TASP1: variants seen among roughly 807,000 people sequenced by gnomAD.
TASP1 encodes threonine aspartase 1.
In TASP1, 16 loss-of-function variants were observed where a neutral mutation model predicts 56.6. That is an observed-to-expected ratio of 0.28 (90% CI 0.19 to 0.43). TASP1 has a LOEUF of 0.43. TASP1 is among the 20% of genes least tolerant of loss of function. The pLI, the probability that TASP1 is intolerant of heterozygous loss-of-function variation, is 1.00. For synonymous variants in TASP1, 179 were observed against 184.2 expected, an observed-to-expected ratio of 0.97 and a Z score of 0.23; for missense variants, 393 against 511.6, an observed-to-expected ratio of 0.77 and a Z score of 2.24.
intron 11 of TASP1, among the ~76,000 whole-genome samples, chr20:13,465,204 A>G (rs1234144033): frequency 1.3e-5 from 2 of 150,746 alleles, no homozygotes; most frequent in East Asian, 3.9e-4. Flanking sequence ...AAAAAAGGAA[A>G]GGAAAAAAAA....
intron 13 of TASP1, among the ~76,000 whole-genome samples, chr20:13,409,241 C>A (rs2042018319): frequency 6.6e-6 from 1 of 151,864 alleles, no homozygotes; most frequent in African/African-American, 2.4e-5. Context: ...TCTATAAATA[C>A]CACTTTGGTC....
chr20:13,590,887 A>C (rs963298805), intron 4 of TASP1, among the ~76,000 whole-genome samples: 1 of 152,066 alleles, frequency 6.6e-6, no homozygotes, highest in African/African-American at 2.4e-5. Context: ...AATAAATAAA[A>C]ATAAAAATTT....
the TASP1 span, among the ~76,000 whole-genome samples, chr20:13,341,312 C>T: frequency 6.6e-6 from 1 of 152,168 alleles, no homozygotes. Context: ...GAGTATGCCA[C>T]AAATGTGGTT....
At chr20:13,396,686 C>A (rs778754081) in intron 13 of TASP1, among the ~76,000 whole-genome samples, 8 of 152,056 alleles carry the variant, frequency 5.3e-5, no homozygotes, top group Non-Finnish European at 1.0e-4. Context: ...ATACAATTCC[C>A]GAGTTCAGCC....
chr20:13,528,135 A>C (rs1303305801), intron 10 of TASP1, among the ~76,000 whole-genome samples: 1 of 150,108 alleles, frequency 6.7e-6, no homozygotes, highest in Non-Finnish European at 1.5e-5. Flanking sequence ...AAGCATGAGA[A>C]TCACTTGAAC....
chr20:13,455,117 C>T (rs6042121), intron 11 of TASP1, among the ~76,000 whole-genome samples: 13,870 of 151,754 alleles, frequency 0.091, 1,199 homozygotes, highest in African/African-American at 0.23. Flanking sequence ...CTTAAAAAAA[C>T]AGGGAAAAAT....
intron 1 of TASP1, among the ~76,000 whole-genome samples, chr20:13,637,966 T>C (rs2049371571): frequency 6.6e-6 from 1 of 152,240 alleles, no homozygotes; most frequent in Admixed American, 6.5e-5. Flanking sequence ...TATGTAACTA[T>C]GCCTCTTAGT....
At chr20:13,319,921 C>T in the TASP1 span, among the ~76,000 whole-genome samples, 1 of 152,174 alleles carries the variant, frequency 6.6e-6, no homozygotes, top group Non-Finnish European at 1.5e-5. Context: ...TTCTGGGAAA[C>T]AGGGACAGGG....
chr20:13,221,738 G>C, the TASP1 span: 6 of 1,352,262 alleles, frequency 4.4e-6, no homozygotes, highest in Non-Finnish European at 5.7e-6. Context: ...GCCGCCGCCG[G>C]CCGCCGCGCC....
chr20:13,436,350 A>T (rs1037504109), intron 11 of TASP1, among the ~76,000 whole-genome samples: 31 of 107,136 alleles, frequency 2.9e-4, no homozygotes, highest in East Asian at 4.9e-4. Context: ...GGGTTGTTTT[A>T]AAAAAAAAAA....
chr20:13,139,686 C>A, the TASP1 span, among the ~76,000 whole-genome samples: 12 of 152,290 alleles, frequency 7.9e-5, no homozygotes, highest in African/African-American at 1.9e-4. Context: ...AACTATGTGC[C>A]TAGGAGAGGA....
the TASP1 span, among the ~76,000 whole-genome samples, chr20:13,144,765 GTGTA>G: frequency 6.6e-6 from 1 of 151,988 alleles, no homozygotes; most frequent in Admixed American, 6.6e-5. Context: ...GTGTGTGTGT[GTGTA>G]TATATATATA....
At chr20:13,149,934 A>G in the TASP1 span, among the ~76,000 whole-genome samples, 2 of 152,184 alleles carry the variant, frequency 1.3e-5, no homozygotes, top group Non-Finnish European at 2.9e-5. Flanking sequence ...AGGCCAGGAA[A>G]TCCTCCTAGT....
At chr20:13,118,950 G>C in the TASP1 span, among the ~76,000 whole-genome samples, 2 of 152,140 alleles carry the variant, frequency 1.3e-5, no homozygotes, top group Non-Finnish European at 2.9e-5. Context: ...GCTTTCTTTC[G>C]GGCTCAAAGC....
intron 9 of TASP1, among the ~76,000 whole-genome samples, chr20:13,533,412 A>G (rs988366907): frequency 7.2e-5 from 11 of 152,150 alleles, no homozygotes; most frequent in African/African-American, 2.7e-4. Flanking sequence ...AAAATGAGAG[A>G]CGGGGGAAAG....
At chr20:13,408,284 T>C (rs1212935404) in intron 13 of TASP1, among the ~76,000 whole-genome samples, 1 of 152,196 alleles carries the variant, frequency 6.6e-6, no homozygotes, top group Non-Finnish European at 1.5e-5. Flanking sequence ...GATATCCTTA[T>C]GTTCCAGGAT....
intron 11 of TASP1, among the ~76,000 whole-genome samples, chr20:13,458,245 A>T (rs966163462): frequency 1.3e-5 from 2 of 152,180 alleles, no homozygotes; most frequent in African/African-American, 4.8e-5. Context: ...TACACATTCA[A>T]TTGAGTGAAC....
chr20:13,387,051 T>C (rs1204130311), downstream of TASP1, among the ~76,000 whole-genome samples: 1 of 152,166 alleles, frequency 6.6e-6, no homozygotes, highest in Non-Finnish European at 1.5e-5. Flanking sequence ...TTGGTATCGA[T>C]TGTTCCCTTC....
chr20:13,337,639 C>A, the TASP1 span, among the ~76,000 whole-genome samples: 1 of 152,178 alleles, frequency 6.6e-6, no homozygotes, highest in Non-Finnish European at 1.5e-5. Context: ...CAGACAGGTT[C>A]TATTAACTTG....
Sources: gnomAD v4.1 joint callset for allele counts (sites outside exome capture counted in the v4.1 genomes callset) on GRCh38, gnomAD v4.1.1 for gene constraint, MANE v1.5 for transcripts, NCBI Gene and HGNC (gene_info 2026-07-23, HGNC 2026-07-21) for gene names.